The following HORMAD2 variants were observed in gnomAD, a reference collection of about 807,000 sequenced individuals.
HORMAD2 encodes HORMA domain-containing protein 2.
A neutral mutation model predicts 38.8 loss-of-function variants in HORMAD2; 45 were observed. The observed-to-expected ratio is 1.16, with a 90% CI of 0.91 to 1.49. The LOEUF is 1.49. Ranked by LOEUF, HORMAD2 falls within the 40% of genes most tolerant of loss-of-function variation. The probability of loss-of-function intolerance (pLI) is 0.00; values close to 1 mark genes in which losing one functional copy is unlikely to be tolerated. For missense variants in HORMAD2, 338 were observed against 367.0 expected (o/e 0.92, Z 0.65); for synonymous variants, 126 against 122.8 (o/e 1.03, Z -0.17).
Position 30,111,778 on chromosome 22 carries a change from T to G in HORMAD2, c.295-18T>G. On this transcript the variant is annotated intron_variant, in intron 5 of 10. Coordinates refer to ENST00000336726, the MANE Select transcript of HORMAD2 (RefSeq NM_152510.4). ...GCAAGTATGTAATAATAATAGTTTT[T>G]TTTTCTTTCTCTTGAAGCTACGTAT... The G allele has an allele frequency of 6.5e-7, 1 of 1,531,024 alleles. No homozygotes were observed. Among genetic ancestry groups the G allele is most frequent in the Non-Finnish European group, 8.8e-7 (1 of 1,131,206 alleles). 94.8% of individuals were successfully genotyped at this position (1,531,024 alleles called of 1,614,324 possible). A position where few individuals can be genotyped will look rare whatever the true frequency, so the allele number is the denominator to read the frequency against.
chr22:30,109,657 A>G (rs16988303), intron 5 of HORMAD2, among the ~76,000 whole-genome samples: 1 of 152,030 alleles, frequency 6.6e-6, no homozygotes, highest in Non-Finnish European at 1.5e-5. Flanking sequence ...AAAAACAATT[A>G]TCATTGGCTT....
At chr22:30,086,903 T>C (rs560532672) in intron 1 of HORMAD2, among the ~76,000 whole-genome samples, 1 of 152,200 alleles carries the variant, frequency 6.6e-6, no homozygotes, top group Non-Finnish European at 1.5e-5. Flanking sequence ...CAAGCGATTC[T>C]CCTGCCTCAG....
chr22:30,181,380 C>G (rs552572126), downstream of HORMAD2, among the ~76,000 whole-genome samples: 1 of 152,166 alleles, frequency 6.6e-6, no homozygotes, highest in South Asian at 2.1e-4. Context: ...AGCCTGGGGC[C>G]AGCACTTGAA....
chr22:30,114,316 A>T (rs1175066526), intron 7 of HORMAD2, among the ~76,000 whole-genome samples: 1 of 152,218 alleles, frequency 6.6e-6, no homozygotes, highest in African/African-American at 2.4e-5. Flanking sequence ...TAAAAAATTC[A>T]GTAGCATATT....
At chr22:30,079,738 G>A (rs2068435474), upstream of HORMAD2, among the ~76,000 whole-genome samples, 1 of 152,162 alleles carries the variant, frequency 6.6e-6, no homozygotes, top group Non-Finnish European at 1.5e-5. Context: ...GGAGTGCAAT[G>A]GCGGAATCTC....
At chr22:30,150,616 T>A (rs991733695) in intron 10 of HORMAD2, among the ~76,000 whole-genome samples, 1 of 152,186 alleles carries the variant, frequency 6.6e-6, no homozygotes, top group African/African-American at 2.4e-5. Flanking sequence ...TGAGGCTTGC[T>A]GATTGTGGCC....
At chr22:30,096,456 G>A (rs2068783628) in intron 2 of HORMAD2, among the ~76,000 whole-genome samples, 1 of 151,668 alleles carries the variant, frequency 6.6e-6, no homozygotes, top group Non-Finnish European at 1.5e-5. Context: ...CCATTTTGGT[G>A]GGTGTGTAGT....
chr22:30,109,114 T>A (rs1006224143), intron 5 of HORMAD2, among the ~76,000 whole-genome samples: 1 of 149,348 alleles, frequency 6.7e-6, no homozygotes, highest in Non-Finnish European at 1.5e-5. Flanking sequence ...AACCTCTGCC[T>A]CCCGGGTTCA....
intron 5 of HORMAD2, among the ~76,000 whole-genome samples, chr22:30,110,344 TA>T (rs1307905144): frequency 6.6e-6 from 1 of 151,428 alleles, no homozygotes; most frequent in East Asian, 1.9e-4. Flanking sequence ...AATTCCCCTT[TA>T]TAATGCAAAA....
chr22:30,078,244 G>T (rs2068407486), upstream of HORMAD2, among the ~76,000 whole-genome samples: 1 of 152,180 alleles, frequency 6.6e-6, no homozygotes, highest in African/African-American at 2.4e-5. Flanking sequence ...GCCAGATCAG[G>T]CCTCTGATGA....
At chr22:30,130,592 T>C (rs902401944) in intron 10 of HORMAD2, among the ~76,000 whole-genome samples, 25 of 142,072 alleles carry the variant, frequency 1.8e-4, no homozygotes, top group East Asian at 1.2e-3. Flanking sequence ...TTTTCTTTTT[T>C]TTTTTTTTTT....
chr22:30,188,155 T>C, the HORMAD2 span, among the ~76,000 whole-genome samples: 1 of 152,196 alleles, frequency 6.6e-6, no homozygotes, highest in Non-Finnish European at 1.5e-5. Flanking sequence ...ACAGTAGTGG[T>C]CATTGCTATG....
chr22:30,096,086 G>C (rs934783723), intron 2 of HORMAD2, among the ~76,000 whole-genome samples: 4 of 152,140 alleles, frequency 2.6e-5, no homozygotes, highest in African/African-American at 7.2e-5. Context: ...TTGTGTGTGA[G>C]AGTCATCTAT....
At chr22:30,140,897 A>T (rs1924025258) in intron 10 of HORMAD2, among the ~76,000 whole-genome samples, 2 of 152,150 alleles carry the variant, frequency 1.3e-5, no homozygotes, top group South Asian at 2.1e-4. Flanking sequence ...TAATATAGGC[A>T]TTTACAGTTG....
chr22:30,152,887 G>A (rs957032434), intron 10 of HORMAD2, among the ~76,000 whole-genome samples: 1 of 152,106 alleles, frequency 6.6e-6, no homozygotes, highest in African/African-American at 2.4e-5. Context: ...TCACGTGTAT[G>A]CTGTCGACTT....
intron 10 of HORMAD2, among the ~76,000 whole-genome samples, chr22:30,152,486 A>G (rs1407211654): frequency 6.6e-6 from 1 of 151,618 alleles, no homozygotes; most frequent in Non-Finnish European, 1.5e-5. Context: ...ACCACCACGC[A>G]TGACTAATTA....
intron 10 of HORMAD2, among the ~76,000 whole-genome samples, chr22:30,156,453 A>G (rs900436306): frequency 1.3e-5 from 2 of 152,156 alleles, no homozygotes; most frequent in African/African-American, 4.8e-5. Context: ...CAACCAGATA[A>G]AAAAAGAAAG....
At chr22:30,183,231 C>A in the HORMAD2 span, among the ~76,000 whole-genome samples, 9 of 152,206 alleles carry the variant, frequency 5.9e-5, no homozygotes, top group African/African-American at 1.9e-4. Flanking sequence ...AGAGCCTGGA[C>A]TAGTATATTA....
rs1925228629 is a variant in HORMAD2, at chr22:30,158,546, C to T, written c.820-17517C>T. Among the ~76,000 whole-genome samples, 3 of 120,538 alleles carry T rather than the reference C, an allele frequency of 2.5e-5. No homozygotes were observed. In the South Asian group the frequency reaches 9.5e-4, roughly 38 times the overall value. The allele number at this position is 120,538 out of a possible 152,430, so 79.1% of individuals were successfully genotyped here. ...CTCTCCTTTTCCTTTTCCTTCCTTC[C>T]TTCCTCCCTCCCCTCCCCTCCCTTC... On this transcript the variant is annotated intron_variant, in intron 10 of 10. Coordinates refer to ENST00000336726, the MANE Select transcript of HORMAD2 (RefSeq NM_152510.4).
Sources: gnomAD v4.1 joint callset for allele counts (sites outside exome capture counted in the v4.1 genomes callset) on GRCh38, gnomAD v4.1.1 for gene constraint, MANE v1.5 for transcripts, NCBI Gene and HGNC (gene_info 2026-07-23, HGNC 2026-07-21) for gene names.